ETV7: variants seen among roughly 807,000 people sequenced by gnomAD.
The protein encoded by ETV7 is ETS variant transcription factor 7.
In ETV7, 43 loss-of-function variants were observed where a neutral mutation model predicts 39.1. That is an observed-to-expected ratio of 1.10 (90% CI 0.86 to 1.42). The LOEUF is 1.42. Ranked by LOEUF, ETV7 falls within the 40% of genes most tolerant of loss-of-function variation. The probability of loss-of-function intolerance (pLI) is 0.00; values close to 1 mark genes in which losing one functional copy is unlikely to be tolerated. For missense variants in ETV7, 432 were observed against 442.3 expected, an observed-to-expected ratio of 0.98 and a Z score of 0.21; for synonymous variants, 196 against 176.6, an observed-to-expected ratio of 1.11 and a Z score of -0.87.
intron 7 of ETV7, among the ~76,000 whole-genome samples, chr6:36,354,880 G>C (rs1376521893): frequency 1.3e-5 from 2 of 152,088 alleles, no homozygotes; most frequent in African/African-American, 4.8e-5. Flanking sequence ...AAGTTTATTT[G>C]TGTTTTATTC....
At chr6:36,382,143 G>A (rs551628832) in intron 2 of ETV7, among the ~76,000 whole-genome samples, 2 of 152,008 alleles carry the variant, frequency 1.3e-5, no homozygotes, top group Non-Finnish European at 2.9e-5. Flanking sequence ...ATGATCTAGG[G>A]CAGCATTTCT....
rs562526049 is a variant in ETV7 at position 36,371,451 on chromosome 6, C to T, written c.543G>A (p.Arg181=). The T allele has an allele frequency of 1.9e-6, 3 of 1,601,318 alleles. No individual in the cohort carries two copies. Among genetic ancestry groups the T allele is most frequent in the African/African-American group, 1.3e-5 (1 of 74,960 alleles). Reference sequence around the variant, plus strand: ...GGGACTCCTCCTTGCCAGGGGTCCACCTTGCCAGGCCAGGGTCATCCAGGT... The same window carrying T: ...GGGACTCCTCCTTGCCAGGGGTCCATCTTGCCAGGCCAGGGTCATCCAGGT... ...FGHLDDPGLA[R]WTPGKEESLN... Residue 181 remains arginine, a synonymous_variant, in exon 5 of 8, where the codon AGG becomes AGA. Coordinates refer to ENST00000340181, the MANE Select transcript of ETV7 (RefSeq NM_016135.4).
intron 3 of ETV7, 76 bp downstream of exon 3, chr6:36,375,795 G>A (rs760813881): frequency 1.2e-6 from 2 of 1,605,742 alleles, no homozygotes; most frequent in Non-Finnish European, 1.7e-6. Flanking sequence ...TCCCTCCCTG[G>A]GCCCCCCGGG....
In ETV7 at chr6:36,371,473, AG is replaced by A. The variant is rs1561906627; in HGVS notation, c.520del (p.Leu174TrpfsTer99). 6.2e-7 allele frequency: 1 copy of A among 1,603,544 alleles called. No individual in the cohort carries two copies. Among genetic ancestry groups the A allele is most frequent in the East Asian group, 2.2e-5 (1 of 44,726 alleles). ...CCACCTTGCCAGGCCAGGGTCATCCAGGTGGCCGAAGTTGCTGGTAAGCCCT... is the reference window on the plus strand; with the variant it reads ...CCACCTTGCCAGGCCAGGGTCATCCAGTGGCCGAAGTTGCTGGTAAGCCCT... ...DPGLTSNFGHLDDPGLARWTP... is the reference protein window; with the variant it reads ...DPGLTSNFGHXDDPGLARWTP... On this transcript the variant is annotated frameshift_variant, in exon 5 of 8. Transcript: ENST00000340181. LOFTEE classifies it high-confidence loss of function.
At chr6:36,363,773 C>T (rs1006401435), downstream of ETV7, among the ~76,000 whole-genome samples, 1 of 146,234 alleles carries the variant, frequency 6.8e-6, no homozygotes, top group African/African-American at 2.5e-5. Flanking sequence ...CACCTCCCCA[C>T]CAGATTAGCT....
intron 7 of ETV7, among the ~76,000 whole-genome samples, chr6:36,355,469 C>T (rs1468959964): frequency 1.3e-5 from 2 of 151,974 alleles, no homozygotes; most frequent in Admixed American, 1.3e-4. Context: ...TTACTCCAAC[C>T]TCCAACTCTC....
intron 7 of ETV7, among the ~76,000 whole-genome samples, chr6:36,361,173 T>A (rs1283334682): frequency 6.6e-6 from 1 of 152,232 alleles, no homozygotes; most frequent in Non-Finnish European, 1.5e-5. Context: ...CAGAACAACC[T>A]GCTTTAAACT....
downstream of ETV7, among the ~76,000 whole-genome samples, chr6:36,365,464 C>T (rs1484491163): frequency 1.3e-5 from 2 of 152,162 alleles, no homozygotes; most frequent in African/African-American, 4.8e-5. Context: ...AGAAGGAGCC[C>T]CATTTTGCAG....
chr6:36,361,620 G>A (rs1561898413), downstream of ETV7, among the ~76,000 whole-genome samples: 1 of 152,196 alleles, frequency 6.6e-6, no homozygotes, highest in Non-Finnish European at 1.5e-5. Flanking sequence ...ACTTTCCTAT[G>A]AAGGAAAAAG....
chr6:36,387,444 TA>T, intron 1 of ETV7, 91 bp downstream of exon 1: 1 of 1,548,838 alleles, frequency 6.5e-7, no homozygotes, highest in Non-Finnish European at 8.9e-7. Context: ...AAAGGTCTGA[TA>T]AAATAGGTTT....
At chr6:36,373,094 G>T (rs183179257) in intron 4 of ETV7, among the ~76,000 whole-genome samples, 18 of 152,116 alleles carry the variant, frequency 1.2e-4, no homozygotes, top group Admixed American at 8.5e-4. Context: ...AGGGTCAAAG[G>T]CTGCGAGAGA....
downstream of ETV7, among the ~76,000 whole-genome samples, chr6:36,362,544 G>A (rs982954296): frequency 6.6e-5 from 10 of 152,190 alleles, no homozygotes; most frequent in Non-Finnish European, 1.5e-4. Context: ...TATGAAAAAT[G>A]GATATAAACT....
intron 2 of ETV7, among the ~76,000 whole-genome samples, chr6:36,384,404 T>G (rs1773796425): frequency 6.6e-6 from 1 of 152,212 alleles, no homozygotes; most frequent in African/African-American, 2.4e-5. Flanking sequence ...CTGCATTGTT[T>G]GGAGGTCCTG....
downstream of ETV7, among the ~76,000 whole-genome samples, chr6:36,363,108 T>G (rs1232844360): frequency 2.0e-5 from 3 of 152,210 alleles, no homozygotes; most frequent in Non-Finnish European, 4.4e-5. Flanking sequence ...AAGCCAGGTA[T>G]GCAGCTCTGG....
chr6:36,380,650 A>G lies in ETV7; in HGVS notation c.143-4615T>C, dbSNP rs1173294575. Among the ~76,000 whole-genome samples the G allele has an allele frequency of 2.6e-5, 4 of 152,332 alleles. No homozygotes were observed. The East Asian group carries it at 7.7e-4, about 29-fold the overall frequency. On this transcript the variant is annotated intron_variant, in intron 2 of 7. Coordinates refer to ENST00000340181, the MANE Select transcript of ETV7 (RefSeq NM_016135.4). ...ACGTCCACTGCCCTTATCTGTGGACATAGCGCTTCTTTACATAGTCACTGA... is the reference window on the plus strand; with the variant it reads ...ACGTCCACTGCCCTTATCTGTGGACGTAGCGCTTCTTTACATAGTCACTGA...
chr6:36,366,805 T>G, intron 7 of ETV7, 43 bp from the exon 8 acceptor site: 1 of 1,613,128 alleles, frequency 6.2e-7, no homozygotes. Flanking sequence ...CTGCCCCAGC[T>G]GCAGGGGGAT....
At chr6:36,378,277 A>G (rs1284853224) in intron 2 of ETV7, among the ~76,000 whole-genome samples, 1 of 152,094 alleles carries the variant, frequency 6.6e-6, no homozygotes. Context: ...CACCTGGAAA[A>G]AAATACATTT....
At chr6:36,365,066 G>A (rs562725874), downstream of ETV7, among the ~76,000 whole-genome samples, 19 of 152,306 alleles carry the variant, frequency 1.2e-4, 1 homozygote, top group South Asian at 3.9e-3. Context: ...CAGTGCAGGC[G>A]CCAGCAGAGA....
intron 6 of ETV7, among the ~76,000 whole-genome samples, chr6:36,367,703 C>G (rs1772801770): frequency 6.6e-6 from 1 of 151,886 alleles, no homozygotes; most frequent in African/African-American, 2.4e-5. Flanking sequence ...TCATTTCTTT[C>G]TCTCTCGGGG....
Sources: allele counts gnomAD v4.1 joint callset (sites outside exome capture counted in the v4.1 genomes callset), GRCh38; gene constraint gnomAD v4.1.1; transcripts MANE v1.5; gene names NCBI Gene and HGNC (gene_info 2026-07-23, HGNC 2026-07-21).